PLXDC2: variants seen among roughly 807,000 people sequenced by gnomAD.
The protein encoded by PLXDC2 is plexin domain containing 2, also known as plexin domain-containing protein 2.
PLXDC2 carries 40 observed loss-of-function variants against 68.9 expected under a neutral mutation model. The observed-to-expected ratio is 0.58, with a 90% confidence interval of 0.45 to 0.76. The LOEUF is 0.76. PLXDC2 is among the 30% of genes least tolerant of loss of function. PLXDC2 has a pLI of 0.00. For synonymous variants in PLXDC2, 243 were observed against 234.2 expected (o/e 1.04, Z -0.34); for missense variants, 644 against 661.9 (o/e 0.97, Z 0.30).
intron 1 of PLXDC2, among the ~76,000 whole-genome samples, chr10:19,829,154 CTTTTTTTTTT>C (rs71388870): frequency 3.2e-5 from 3 of 94,418 alleles, no homozygotes; most frequent in African/African-American, 4.4e-5. Flanking sequence ...ACGCTTTCCT[CTTTTTTTTTT>C]TTTTTTTTTT....
At chr10:19,878,568 T>C (rs1345389292) in intron 1 of PLXDC2, among the ~76,000 whole-genome samples, 1 of 152,222 alleles carries the variant, frequency 6.6e-6, no homozygotes, top group African/African-American at 2.4e-5. Context: ...TAGTCAATTC[T>C]AGGCAAACTC....
In PLXDC2 at chr10:20,044,207, CTCTG is replaced by C. The variant is rs1249614464; in HGVS notation, c.325-2658_325-2655del. 1.7e-3 allele frequency among the ~76,000 whole-genome samples: 150 copies of C among 90,002 alleles called. 2 individuals are homozygous for C. The highest frequency in any genetic ancestry group is 5.1e-3 in the Middle Eastern group (1 of 198). The allele number at this position is 90,002 out of a possible 152,430, so 59.0% of individuals were successfully genotyped here. ...TTTCTTTCTTTCTCTCTCTCTCTCT[CTCTG>C]TCTTTCTTTCTTTCTTTCTTTCTTT... On this transcript the variant is annotated intron_variant, in intron 2 of 13. Coordinates refer to ENST00000377252, the MANE Select transcript of PLXDC2 (RefSeq NM_032812.9).
Position 20,217,559 on chromosome 10 carries a change from C to T in PLXDC2, c.1256C>T (p.Thr419Ile), listed in dbSNP as rs751169114. ...AGAGCAGTGACTTCTCAGTTTCCCA[C>T]CAGCCTCCCTACAGAAGGTACCCAA... ...TRRAVTSQFP[T>I]SLPTEDDTKI... The change falls in exon 11 of 14, where the codon ACC becomes ATC. Residue 419 changes from threonine to isoleucine, a missense_variant. Thr to Ile is a moderately conservative substitution (Grantham distance 89). Around this residue, in one of 3 missense-constraint regions of PLXDC2, gnomAD observed 330 missense variants for 327.9 expected, o/e 1.01. Coordinates refer to ENST00000377252, the MANE Select transcript of PLXDC2 (RefSeq NM_032812.9). The T allele has an allele frequency of 1.9e-6, 3 of 1,607,820 alleles. No individual in the cohort carries two copies. The highest frequency in any genetic ancestry group is 1.3e-5 in the African/African-American group (1 of 74,378).
At position 20,146,826 on chromosome 10, in the gene PLXDC2, A is replaced by G. The variant is rs191068355; in HGVS notation, c.665-958A>G. On this transcript the variant is annotated intron_variant, in intron 5 of 13. Coordinates refer to ENST00000377252, the MANE Select transcript of PLXDC2 (RefSeq NM_032812.9). The stretch of plus-strand genomic sequence containing the variant: ...AGCACCAAATAGTTACTGAAAATTA[A>G]TTCTTCCATGCAATTGTAATTTTTA... 7.3e-3 allele frequency among the ~76,000 whole-genome samples: 1,105 copies of G among 152,208 alleles called. 15 individuals carry two copies. Among genetic ancestry groups the G allele is most frequent in the African/African-American group, 0.025 (1,055 of 41,540 alleles).
chr10:19,909,204 CA>C (rs1833221909), intron 1 of PLXDC2, among the ~76,000 whole-genome samples: 1 of 152,154 alleles, frequency 6.6e-6, no homozygotes, highest in South Asian at 2.1e-4. Context: ...ATCCCTGAAT[CA>C]AAACCTCAGG....
intron 13 of PLXDC2, among the ~76,000 whole-genome samples, chr10:20,266,523 C>G (rs1346221605): frequency 6.6e-6 from 1 of 151,996 alleles, no homozygotes; most frequent in Non-Finnish European, 1.5e-5. Flanking sequence ...TCAGTAAAAG[C>G]TATTTAGCAG....
chr10:19,853,692 C>G (rs1046459442), intron 1 of PLXDC2, among the ~76,000 whole-genome samples: 6 of 151,662 alleles, frequency 4.0e-5, no homozygotes, highest in Non-Finnish European at 8.8e-5. Context: ...AGAGTGAAGA[C>G]AGAGTGAAAA....
chr10:20,226,034 A>G (rs1257313628), intron 12 of PLXDC2, among the ~76,000 whole-genome samples: 1 of 152,198 alleles, frequency 6.6e-6, no homozygotes, highest in Non-Finnish European at 1.5e-5. Context: ...CCACACTTGG[A>G]GTATCAAGAG....
chr10:20,143,438 T>A, intron 5 of PLXDC2, 21 bp downstream of exon 5: 1 of 1,610,582 alleles, frequency 6.2e-7, no homozygotes, highest in Non-Finnish European at 8.5e-7. Flanking sequence ...AGTAGCCTAT[T>A]TTTTGCTGCA....
At chr10:20,272,949 A>G (rs948303893) in intron 13 of PLXDC2, among the ~76,000 whole-genome samples, 3 of 152,252 alleles carry the variant, frequency 2.0e-5, no homozygotes, top group Non-Finnish European at 4.4e-5. Context: ...AGCTACATGC[A>G]TTCATTTAGA....
At chr10:19,912,479 C>G (rs1248078755) in intron 1 of PLXDC2, among the ~76,000 whole-genome samples, 1 of 152,074 alleles carries the variant, frequency 6.6e-6, no homozygotes, top group East Asian at 1.9e-4. Context: ...TGTAGGCTAG[C>G]AAATCCTGCC....
At chr10:20,036,861 G>T (rs985023368) in intron 2 of PLXDC2, among the ~76,000 whole-genome samples, 10 of 152,130 alleles carry the variant, frequency 6.6e-5, no homozygotes, top group African/African-American at 2.4e-4. Flanking sequence ...CAACTTTGGG[G>T]CCAATCTACA....
intron 4 of PLXDC2, among the ~76,000 whole-genome samples, chr10:20,072,506 A>AGAAAGAAAGAAAGAAAGAAAGAAG: frequency 1.1e-4 from 10 of 91,626 alleles, no homozygotes; most frequent in Admixed American, 9.7e-4. Context: ...AAAGAAAGAA[A>AGAAAGAAAGAAAGAAAGAAAGAAG]GAAAGAAAGA....
At chr10:19,971,391 G>A (rs1002613307) in intron 1 of PLXDC2, among the ~76,000 whole-genome samples, 3 of 151,984 alleles carry the variant, frequency 2.0e-5, no homozygotes, top group African/African-American at 7.3e-5. Flanking sequence ...TATGAACATG[G>A]GTAAGCAAAA....
intron 1 of PLXDC2, among the ~76,000 whole-genome samples, chr10:19,960,112 C>T (rs1415245625): frequency 6.9e-6 from 1 of 145,372 alleles, no homozygotes; most frequent in African/African-American, 2.6e-5. Context: ...CATCTCAGTG[C>T]TTTGGGGGGC....
intron 1 of PLXDC2, among the ~76,000 whole-genome samples, chr10:19,994,950 G>A (rs1040682635): frequency 6.6e-6 from 1 of 151,764 alleles, no homozygotes; most frequent in East Asian, 2.0e-4. Flanking sequence ...CACCACGTTG[G>A]CCAGCCTGGT....
intron 1 of PLXDC2, among the ~76,000 whole-genome samples, chr10:19,968,462 A>G (rs1834300542): frequency 6.6e-6 from 1 of 152,036 alleles, no homozygotes; most frequent in Non-Finnish European, 1.5e-5. Flanking sequence ...ACAGGCGCAC[A>G]CCACTATGCC....
At chr10:20,192,511 C>G (rs1834780577) in intron 9 of PLXDC2, among the ~76,000 whole-genome samples, 1 of 151,924 alleles carries the variant, frequency 6.6e-6, no homozygotes, top group Non-Finnish European at 1.5e-5. Context: ...AGAATTATGA[C>G]AAAATGATTT....
chr10:20,021,678 A>ATTATTTATTTAT (rs71388891), intron 2 of PLXDC2, among the ~76,000 whole-genome samples: 111 of 148,504 alleles, frequency 7.5e-4, no homozygotes, highest in Non-Finnish European at 1.2e-3. Context: ...ATTTTTTTTT[A>ATTATTTATTTAT]TTATTTATTT....
Sources: gnomAD v4.1 joint callset for allele counts (sites outside exome capture counted in the v4.1 genomes callset) on GRCh38, gnomAD v4.1.1 for gene constraint, gnomAD v4.1.1 regional missense constraint, MANE v1.5 for transcripts, NCBI Gene and HGNC (gene_info 2026-07-23, HGNC 2026-07-21) for gene names.